Variants in SIK2 observed in about 807,000 individuals in gnomAD.
SIK2 encodes the protein serine/threonine-protein kinase SIK2.
In SIK2, 29 loss-of-function variants were observed where a neutral mutation model predicts 103.2. The observed-to-expected ratio is 0.28, with a 90% CI of 0.21 to 0.38. The LOEUF is 0.38. Among genes scored for constraint, SIK2 ranks in the 10% least tolerant of loss-of-function variants. SIK2 has a pLI of 1.00. For synonymous variants in SIK2, 412 were observed against 446.1 expected (o/e 0.92, Z 0.96); for missense variants, 879 against 1,171.0 (o/e 0.75, Z 3.64).
intron 3 of SIK2, among the ~76,000 whole-genome samples, chr11:111,687,313 G>A (rs1942858799): frequency 6.6e-6 from 1 of 151,728 alleles, no homozygotes; most frequent in Non-Finnish European, 1.5e-5. Flanking sequence ...TCAGGAGTTC[G>A]AGACCAGCCT....
intron 3 of SIK2, among the ~76,000 whole-genome samples, chr11:111,668,920 A>G (rs1406013630): frequency 2.6e-5 from 4 of 152,152 alleles, no homozygotes; most frequent in Non-Finnish European, 4.4e-5. Flanking sequence ...ATGTGGAGAG[A>G]GGGCAGGGTG....
intron 3 of SIK2, among the ~76,000 whole-genome samples, chr11:111,635,428 G>A (rs1157965386): frequency 8.6e-6 from 1 of 115,946 alleles, no homozygotes; most frequent in Non-Finnish European, 1.7e-5. Context: ...AGGGAGGGGG[G>A]AGGAAGGAAG....
intron 3 of SIK2, among the ~76,000 whole-genome samples, chr11:111,621,240 A>G (rs1941881449): frequency 6.6e-6 from 1 of 152,160 alleles, no homozygotes; most frequent in African/African-American, 2.4e-5. Flanking sequence ...CCCATCTGAC[A>G]CCCAAAAAAC....
intron 1 of SIK2, among the ~76,000 whole-genome samples, chr11:111,611,726 TAG>T (rs1345132923): frequency 6.6e-6 from 1 of 152,180 alleles, no homozygotes; most frequent in Non-Finnish European, 1.5e-5. Flanking sequence ...ATATAATGAT[TAG>T]AGAGTTGAAT....
chr11:111,633,810 T>A (rs2135850767), intron 3 of SIK2, among the ~76,000 whole-genome samples: 1 of 152,308 alleles, frequency 6.6e-6, no homozygotes, highest in Non-Finnish European at 1.5e-5. Flanking sequence ...AAGGATAATA[T>A]TTTCTTGGTC....
In SIK2 at chr11:111,724,314, A is replaced by G. The variant is rs1182798280; in HGVS notation, c.*185A>G. The G allele has an allele frequency of 2.4e-6, 2 of 847,548 alleles. No individual in the cohort carries two copies. The highest frequency in any genetic ancestry group is 3.4e-5 in the African/African-American group (2 of 58,406). 52.5% of individuals were successfully genotyped at this position (847,548 alleles called of 1,614,324 possible). ...TGCTTCCTCCTGGTTCTGCCCCACC[A>G]CAAAGTTTTCTGTGGCAAGTGCTGG... On this transcript the variant is annotated 3_prime_UTR_variant, in exon 15 of 15. Transcript: ENST00000304987.
chr11:111,617,480 T>C (rs1307068318), intron 2 of SIK2, among the ~76,000 whole-genome samples: 4 of 152,194 alleles, frequency 2.6e-5, no homozygotes, highest in African/African-American at 9.7e-5. Context: ...CTGTACCGGC[T>C]CGTTGAGAGC....
chr11:111,666,741 C>T (rs866429068), intron 3 of SIK2, among the ~76,000 whole-genome samples: 2 of 152,104 alleles, frequency 1.3e-5, no homozygotes, highest in African/African-American at 4.8e-5. Flanking sequence ...GTTTAACCAT[C>T]TGCATTTATG....
intron 3 of SIK2, among the ~76,000 whole-genome samples, chr11:111,653,965 T>A (rs1490750517): frequency 6.6e-6 from 1 of 152,260 alleles, no homozygotes; most frequent in African/African-American, 2.4e-5. Context: ...ACACTTGCCA[T>A]GTGTGTTTTG....
chr11:111,720,001 C>T lies in SIK2; in HGVS notation c.1493C>T (p.Ala498Val). Residue 498 changes from alanine (A) to valine (V), a missense_variant and splice_region_variant, in exon 10 of 15, where the codon GCA becomes GTA. By Grantham distance (64) the Ala-to-Val change is moderately conservative (BLOSUM62 0). Coordinates refer to ENST00000304987, the MANE Select transcript of SIK2 (RefSeq NM_015191.3). ...AATCAACTGGTCGTGATGCCTGGGG[C>T]AGGTACGGTAGAGGAGCGACACTAG... ...VTNQLVVMPG[A>V]GKIFSMNDSP... is the part of the protein sequence containing the mutation. The T allele has an allele frequency of 6.2e-7, 1 of 1,612,734 alleles. No homozygotes were observed. Among genetic ancestry groups the T allele is most frequent in the Non-Finnish European group, 8.5e-7 (1 of 1,179,346 alleles).
intron 4 of SIK2, among the ~76,000 whole-genome samples, chr11:111,698,533 G>C (rs2135916839): frequency 6.6e-6 from 1 of 152,312 alleles, no homozygotes; most frequent in South Asian, 2.1e-4. Context: ...CGTCAGCCCA[G>C]GAGTTGGAGA....
rs67675103 is a variant in SIK2, at chr11:111,612,915, GATATAT to G, written c.136-3301_136-3296del. On this transcript the variant is annotated intron_variant, in intron 1 of 14. Transcript: ENST00000304987. ...CCTTAGAAACAAGGGATAGCAATGG[GATATAT>G]ATATATATATATATATATATATATA... Among the ~76,000 whole-genome samples, 104 of 50,000 alleles carry G rather than the reference GATATAT, an allele frequency of 2.1e-3. 1 individual carries two copies. The highest frequency in any genetic ancestry group is 4.5e-3 in the African/African-American group (72 of 15,828). 32.8% of individuals were successfully genotyped at this position (50,000 alleles called of 152,430 possible). A position where few individuals can be genotyped will look rare whatever the true frequency, so the allele number is the denominator to read the frequency against.
At chr11:111,717,316 T>TAA (rs1943671895) in intron 9 of SIK2, among the ~76,000 whole-genome samples, 3 of 930 alleles carry the variant, frequency 3.2e-3, no homozygotes, top group Admixed American at 0.028. Context: ...AGACTCCGTC[T>TAA]CAAAAAAAAA....
At position 111,694,883 on chromosome 11, in the gene SIK2, T is replaced by C. The variant is rs540720066; in HGVS notation, c.479-6003T>C. 7.3e-4 allele frequency among the ~76,000 whole-genome samples: 111 copies of C among 152,340 alleles called. 4 individuals carry two copies. The South Asian group carries it at 0.023, about 31-fold the overall frequency. ...ATTTGCTTCTTAGCTCATTGAACTC[T>C]CTGACTGGACAAATAGATGTCTTAC... On this transcript the variant is annotated intron_variant, in intron 4 of 14. Coordinates refer to ENST00000304987, the MANE Select transcript of SIK2 (RefSeq NM_015191.3).
chr11:111,609,425 G>C (rs1233491206), intron 1 of SIK2, among the ~76,000 whole-genome samples: 1 of 152,050 alleles, frequency 6.6e-6, no homozygotes, highest in Non-Finnish European at 1.5e-5. Context: ...AGGCTCAAGT[G>C]ATCTTCCCAC....
rs757928902 is a variant in SIK2 at position 111,721,958 on chromosome 11, C to T, written c.2055+18C>T. On this transcript the variant is annotated intron_variant, in intron 13 of 14. Transcript: ENST00000304987. ...GACTCCAGGTGGGTCCTTCTCCTTG[C>T]GAGTCCACCTCACTCTGCTCATCCA... The T allele has an allele frequency of 2.2e-5, 33 of 1,534,588 alleles. No homozygotes were observed. Among genetic ancestry groups the T allele is most frequent in the South Asian group, 9.7e-5 (8 of 82,748 alleles).
At chr11:111,622,476 G>A (rs1005192030) in intron 3 of SIK2, among the ~76,000 whole-genome samples, 3 of 151,550 alleles carry the variant, frequency 2.0e-5, no homozygotes, top group Non-Finnish European at 4.4e-5. Context: ...GGATGGTCTC[G>A]ATCACCTGAC....
Position 111,612,915 on chromosome 11 carries a change from GATATATATATAT to G in SIK2, c.136-3307_136-3296del, listed in dbSNP as rs67675103. ...CCTTAGAAACAAGGGATAGCAATGG[GATATATATATAT>G]ATATATATATATATATATATTTATG... is the stretch of plus-strand genomic sequence containing the variant. On this transcript the variant is annotated intron_variant, in intron 1 of 14. Coordinates refer to ENST00000304987, the MANE Select transcript of SIK2 (RefSeq NM_015191.3). Among the ~76,000 whole-genome samples the G allele has an allele frequency of 3.4e-4, 17 of 50,004 alleles. 1 individual carries two copies. Among genetic ancestry groups the G allele is most frequent in the Admixed American group, 9.5e-4 (4 of 4,230 alleles). 32.8% of individuals were successfully genotyped at this position (50,004 alleles called of 152,430 possible). A position where few individuals can be genotyped will look rare whatever the true frequency, so the allele number is the denominator to read the frequency against.
chr11:111,660,331 A>G (rs973511198), intron 3 of SIK2, among the ~76,000 whole-genome samples: 3 of 152,164 alleles, frequency 2.0e-5, no homozygotes, highest in African/African-American at 4.8e-5. Context: ...CCTTAGGTCC[A>G]TATGCACCGT....
Sources: gnomAD v4.1 joint callset for allele counts (sites outside exome capture counted in the v4.1 genomes callset) on GRCh38, gnomAD v4.1.1 for gene constraint, MANE v1.5 for transcripts, NCBI Gene and HGNC (gene_info 2026-07-23, HGNC 2026-07-21) for gene names.